The following PCBD2 variants were observed in gnomAD, a reference collection of about 807,000 sequenced individuals.
The protein encoded by PCBD2 is pterin-4 alpha-carbinolamine dehydratase 2.
Under a neutral mutation model 16.4 loss-of-function variants are expected in PCBD2, and 12 were observed. The observed-to-expected ratio is 0.73, with a 90% CI of 0.47 to 1.19. The LOEUF (loss-of-function observed/expected upper bound fraction) is 1.19, where lower values mean the gene tolerates loss of function less well. Among genes scored for constraint, PCBD2 ranks in the 50% most tolerant of loss-of-function variants. The pLI is 0.00. For synonymous variants in PCBD2, 58 were observed against 61.8 expected (o/e 0.94, Z 0.29); for missense variants, 138 against 156.8 (o/e 0.88, Z 0.64).
At chr5:134,914,812 C>T (rs1169540232) in intron 2 of PCBD2, among the ~76,000 whole-genome samples, 10 of 151,896 alleles carry the variant, frequency 6.6e-5, no homozygotes, top group Non-Finnish European at 1.3e-4. Flanking sequence ...GCTGGGATTA[C>T]AGGCGCCCGC....
chr5:134,906,280 T>C (rs1359885023), intron 1 of PCBD2, among the ~76,000 whole-genome samples: 4 of 147,066 alleles, frequency 2.7e-5, no homozygotes, highest in Non-Finnish European at 5.9e-5. Context: ...CTCGGCGTAT[T>C]GCAAGCTCCG....
chr5:134,945,646 C>G (rs1270325102), intron 2 of PCBD2, among the ~76,000 whole-genome samples: 1 of 152,064 alleles, frequency 6.6e-6, no homozygotes, highest in African/African-American at 2.4e-5. Flanking sequence ...TAAAATTTTT[C>G]ATTTATATTC....
chr5:134,927,477 G>T, intron 2 of PCBD2: 2 of 398,238 alleles, frequency 5.0e-6, no homozygotes, highest in South Asian at 2.6e-4. Flanking sequence ...TCAGGAGTTT[G>T]ATAGTTCTTG....
intron 2 of PCBD2, among the ~76,000 whole-genome samples, chr5:134,931,516 A>G (rs1455906651): frequency 6.6e-6 from 1 of 152,180 alleles, no homozygotes; most frequent in Non-Finnish European, 1.5e-5. Context: ...AGCTTCCCAG[A>G]AGCCTCCTAA....
At chr5:134,906,121 G>A (rs1418421412) in intron 1 of PCBD2, among the ~76,000 whole-genome samples, 4 of 150,786 alleles carry the variant, frequency 2.7e-5, no homozygotes, top group Admixed American at 6.6e-5. Flanking sequence ...TGATCTACCT[G>A]CCTCGGCCTC....
At chr5:134,945,533 G>A (rs17167724) in intron 2 of PCBD2, among the ~76,000 whole-genome samples, 5,153 of 152,120 alleles carry the variant, frequency 0.034, 179 homozygotes, top group African/African-American at 0.084. Context: ...ATATAGAAAT[G>A]CGGAAAAATT....
At chr5:134,912,073 C>T (rs1750775015) in intron 2 of PCBD2, among the ~76,000 whole-genome samples, 1 of 152,218 alleles carries the variant, frequency 6.6e-6, no homozygotes, top group African/African-American at 2.4e-5. Context: ...TCTGACCTTG[C>T]GCTCAGGGTG....
chr5:134,913,511 G>A (rs1196950470), intron 2 of PCBD2, among the ~76,000 whole-genome samples: 1 of 152,190 alleles, frequency 6.6e-6, no homozygotes, highest in East Asian at 1.9e-4. Flanking sequence ...GCGAGGAGAC[G>A]AGGGGAAGGG....
intron 1 of PCBD2, among the ~76,000 whole-genome samples, chr5:134,909,379 A>G (rs1750737163): frequency 6.6e-6 from 1 of 152,228 alleles, no homozygotes; most frequent in African/African-American, 2.4e-5. Flanking sequence ...GTAAATGTGC[A>G]TTTGTTTTTC....
intron 2 of PCBD2, among the ~76,000 whole-genome samples, chr5:134,942,022 TG>T (rs369733732): frequency 0.057 from 8,248 of 143,696 alleles, 461 homozygotes; most frequent in African/African-American, 0.15. Context: ...CCCAGCTACT[TG>T]GGGGGGCTGA....
At chr5:134,916,951 A>G (rs1372489605) in intron 2 of PCBD2, among the ~76,000 whole-genome samples, 3 of 152,216 alleles carry the variant, frequency 2.0e-5, no homozygotes, top group South Asian at 2.1e-4. Context: ...GGACCCAGAC[A>G]GGGTGGGATT....
chr5:134,949,579 A>G (rs767761757), intron 2 of PCBD2, among the ~76,000 whole-genome samples: 3 of 152,214 alleles, frequency 2.0e-5, no homozygotes, highest in Non-Finnish European at 4.4e-5. Flanking sequence ...CAGTCCAGAG[A>G]AAAAAAGCAT....
At chr5:134,953,732 C>T (rs894083942) in intron 2 of PCBD2, among the ~76,000 whole-genome samples, 4 of 152,074 alleles carry the variant, frequency 2.6e-5, no homozygotes, top group Non-Finnish European at 4.4e-5. Flanking sequence ...ACCTGGGAGG[C>T]GGAGGTTGCA....
chr5:134,924,454 G>T, intron 2 of PCBD2: 1 of 397,114 alleles, frequency 2.5e-6, no homozygotes, highest in South Asian at 1.3e-4. Context: ...GAGTATGATG[G>T]GGTGGTGGTT....
chr5:134,957,871 A>G (rs1032985839), intron 2 of PCBD2, among the ~76,000 whole-genome samples: 3 of 152,200 alleles, frequency 2.0e-5, no homozygotes, highest in African/African-American at 4.8e-5. Flanking sequence ...TCAGGCCTCA[A>G]ATGTCAACAT....
chr5:134,910,288 T>G (rs777565836), intron 1 of PCBD2, 47 bp from the exon 2 acceptor site: 2 of 1,587,288 alleles, frequency 1.3e-6, no homozygotes, highest in African/African-American at 2.7e-5. Context: ...AGTTTGAGTT[T>G]GAGTAAACTT....
chr5:134,934,787 A>G (rs566475647), intron 2 of PCBD2, among the ~76,000 whole-genome samples: 25 of 152,242 alleles, frequency 1.6e-4, no homozygotes, highest in African/African-American at 1.9e-4. Context: ...GAGAAATTCT[A>G]TTCCCAGCCA....
intron 2 of PCBD2, among the ~76,000 whole-genome samples, chr5:134,917,230 G>A (rs898053539): frequency 6.6e-6 from 1 of 152,248 alleles, no homozygotes; most frequent in Admixed American, 6.5e-5. Flanking sequence ...TGGAACCTAG[G>A]AAATAGCTAC....
At chr5:134,905,518 C>T in intron 1 of PCBD2, 1 of 303,968 alleles carries the variant, frequency 3.3e-6, no homozygotes, top group Non-Finnish European at 6.0e-6. Context: ...CTACAAAAGG[C>T]AGATGTGAAA....
Sources: gnomAD v4.1 joint callset for allele counts (sites outside exome capture counted in the v4.1 genomes callset) on GRCh38, gnomAD v4.1.1 for gene constraint, MANE v1.5 for transcripts, NCBI Gene and HGNC (gene_info 2026-07-23, HGNC 2026-07-21) for gene names.